LRRC37A: variants seen among roughly 807,000 people sequenced by gnomAD.
LRRC37A encodes leucine-rich repeat-containing protein 37A.
In LRRC37A, 3 loss-of-function variants were observed where a neutral mutation model predicts 35.4. The observed-to-expected ratio is 0.08, with a 90% CI of 0.04 to 0.22. The LOEUF is 0.22. LRRC37A is among the 10% of genes least tolerant of loss of function. The pLI is 1.00. For synonymous variants in LRRC37A, 23 were observed against 215.0 expected (o/e 0.11, Z 7.81); for missense variants, 67 against 565.3 (o/e 0.12, Z 8.94).
intron 7 of LRRC37A, among the ~76,000 whole-genome samples, chr17:46,323,879 A>G (rs1240462911): frequency 1.0e-5 from 1 of 97,462 alleles, no homozygotes; most frequent in Non-Finnish European, 2.3e-5. Flanking sequence ...TAGAAAATTT[A>G]AAATACAGTA....
the LRRC37A span, among the ~76,000 whole-genome samples, chr17:46,248,934 A>T: frequency 6.6e-6 from 1 of 151,952 alleles, no homozygotes; most frequent in Non-Finnish European, 1.5e-5. Context: ...CTGAACATGG[A>T]TGGAGAATAC....
rs1459571355 is a variant in LRRC37A, at chr17:46,327,231, CT to C, written c.3054-1160del. 1.6e-4 allele frequency among the ~76,000 whole-genome samples: 12 copies of C among 73,878 alleles called. No homozygotes were observed. The East Asian group carries it at 3.1e-3, about 19-fold the overall frequency. 48.5% of individuals were successfully genotyped at this position (73,878 alleles called of 152,430 possible). On this transcript the variant is annotated intron_variant, in intron 7 of 13. Coordinates refer to ENST00000320254, the Ensembl canonical transcript of LRRC37A. ...TTCCTGCCTCGTAACCGCAGATGGCCTGTAATACTAAGTTTGATCACTTGAC... is the reference window on the plus strand; with the variant it reads ...TTCCTGCCTCGTAACCGCAGATGGCCGTAATACTAAGTTTGATCACTTGAC...
chr17:46,256,524 G>A, the LRRC37A span, among the ~76,000 whole-genome samples: 21,237 of 151,250 alleles, frequency 0.14, 2,051 homozygotes, highest in Non-Finnish European at 0.21. Flanking sequence ...GCACCCAATT[G>A]TGCTATCACC....
the LRRC37A span, among the ~76,000 whole-genome samples, chr17:46,266,806 A>G: frequency 6.6e-6 from 1 of 151,832 alleles, no homozygotes; most frequent in Middle Eastern, 3.4e-3. Context: ...GTGAGGCCGC[A>G]CACGCTCCCA....
In LRRC37A at chr17:46,332,538, G is replaced by GT. The variant is rs372321044; in HGVS notation, c.4705-3dup. The GT allele has an allele frequency of 0.027, 26,767 of 1,006,674 alleles. 66 individuals are homozygous for GT. The highest frequency in any genetic ancestry group is 0.041 in the African/African-American group (2,261 of 54,650). 62.4% of individuals were successfully genotyped at this position (1,006,674 alleles called of 1,614,324 possible). ...CTCTCATTCTGGTTTTTTTTTGTGT[G>GT]TTTTTTTTTTTAGCTCAAAAAAGAA... On this transcript the variant is annotated splice_polypyrimidine_tract_variant and intron_variant, in intron 9 of 13. Coordinates refer to ENST00000320254, the Ensembl canonical transcript of LRRC37A.
chr17:46,268,786 G>C, the LRRC37A span: 1 of 959,828 alleles, frequency 1.0e-6, no homozygotes, highest in Non-Finnish European at 1.4e-6. Flanking sequence ...CTTTAGAAGA[G>C]AGCCCAAAGC....
chr17:46,285,241 CTTTT>C, the LRRC37A span, among the ~76,000 whole-genome samples: 3 of 138,410 alleles, frequency 2.2e-5, no homozygotes, highest in Admixed American at 7.3e-5. Flanking sequence ...CTTTTCTTTC[CTTTT>C]TTTTTTTTTT....
chr17:46,285,708 G>T, the LRRC37A span, among the ~76,000 whole-genome samples: 2 of 152,212 alleles, frequency 1.3e-5, no homozygotes, highest in Admixed American at 6.5e-5. Flanking sequence ...ATATGGTAAA[G>T]CTCATGACAC....
the LRRC37A span, among the ~76,000 whole-genome samples, chr17:46,265,306 CTT>C: frequency 1.4e-3 from 158 of 110,792 alleles, 1 homozygote; most frequent in East Asian, 0.038. Flanking sequence ...TCTTCTTCTT[CTT>C]CTTCTTCCTC....
chr17:46,287,168 A>C, the LRRC37A span, among the ~76,000 whole-genome samples: 2 of 152,248 alleles, frequency 1.3e-5, no homozygotes, highest in African/African-American at 2.4e-5. Context: ...AAAGTCACTC[A>C]CATGGGTTTC....
At chr17:46,293,782 G>A (rs1325435428), upstream of LRRC37A, 3 of 248,514 alleles carry the variant, frequency 1.2e-5, 1 homozygote, top group Admixed American at 3.6e-4. Context: ...AAGAAGTCTA[G>A]CTTCCTGTGA....
the LRRC37A span, among the ~76,000 whole-genome samples, chr17:46,267,740 A>G: frequency 6.6e-6 from 1 of 152,160 alleles, no homozygotes; most frequent in Non-Finnish European, 1.5e-5. Context: ...CTGTTGGCAC[A>G]AAGCGGGCTG....
chr17:46,254,868 C>G, the LRRC37A span, among the ~76,000 whole-genome samples: 18,066 of 147,998 alleles, frequency 0.12, 6 homozygotes, highest in Non-Finnish European at 0.18. Flanking sequence ...CTGACAGAGT[C>G]TCTGTCACCC....
At chr17:46,311,092 A>C (rs1381512084) in intron 5 of LRRC37A, 1 of 240,282 alleles carries the variant, frequency 4.2e-6, no homozygotes. Flanking sequence ...AGATCACACC[A>C]CTGCACTGCA....
chr17:46,282,910 G>A, the LRRC37A span, among the ~76,000 whole-genome samples: 1 of 152,184 alleles, frequency 6.6e-6, no homozygotes, highest in Non-Finnish European at 1.5e-5. Context: ...CCTGAGGTCA[G>A]GAGTTTGAGA....
the LRRC37A span, chr17:46,268,582 GC>G: frequency 1.3e-6 from 2 of 1,535,090 alleles, no homozygotes; most frequent in African/African-American, 1.4e-5. Context: ...GTCCTGAGAG[GC>G]CATCTCTGTC....
chr17:46,291,803 A>C (rs1009168864), upstream of LRRC37A, among the ~76,000 whole-genome samples: 1 of 151,862 alleles, frequency 6.6e-6, no homozygotes. Context: ...AAAACACCCC[A>C]AAATTAGCCA....
the LRRC37A span, among the ~76,000 whole-genome samples, chr17:46,271,907 G>A: frequency 6.6e-6 from 1 of 152,196 alleles, no homozygotes; most frequent in Non-Finnish European, 1.5e-5. Context: ...GACTACAGGT[G>A]TGTGCCACTT....
chr17:46,261,050 G>C, the LRRC37A span, among the ~76,000 whole-genome samples: 2 of 152,142 alleles, frequency 1.3e-5, no homozygotes, highest in African/African-American at 4.8e-5. Context: ...GGACTTTGGG[G>C]AATCAGGGGG....
Sources: gnomAD v4.1 joint callset for allele counts (sites outside exome capture counted in the v4.1 genomes callset) on GRCh38, gnomAD v4.1.1 for gene constraint, MANE v1.5 for transcripts, NCBI Gene and HGNC (gene_info 2026-07-23, HGNC 2026-07-21) for gene names.